The following DGLUCY variants were observed in gnomAD, a reference collection of about 807,000 sequenced individuals.
The protein encoded by DGLUCY is D-glutamate cyclase.
Under a neutral mutation model 58.5 loss-of-function variants are expected in DGLUCY, and 58 were observed. The observed-to-expected ratio is 0.99, with a 90% CI of 0.80 to 1.23. The LOEUF is 1.23. DGLUCY is among the 50% of genes most tolerant of loss of function. The pLI is 0.00. For synonymous variants in DGLUCY, 325 were observed against 314.1 expected (o/e 1.03, Z -0.37); for missense variants, 779 against 784.7 (o/e 0.99, Z 0.09).
rs765224867 is a variant in DGLUCY, at chr14:91,060,383, C to G, written c.-403C>G. On this transcript the variant is annotated 5_prime_UTR_variant, in exon 1 of 5. Transcript: ENST00000521334. ...AGGAGCTGCTCTCCTCCGTCGCCGC[C>G]GTCCGCGCTGGTCCCCGCGGCGCCG... The G allele has an allele frequency of 6.7e-5, 101 of 1,508,874 alleles. No individual in the cohort carries two copies. The highest frequency in any genetic ancestry group is 8.1e-5 in the Non-Finnish European group (91 of 1,123,100). 93.5% of individuals were successfully genotyped at this position (1,508,874 alleles called of 1,614,324 possible).
At position 91,224,976 on chromosome 14, in the gene DGLUCY, A is replaced by G; in HGVS notation, c.*143A>G. 1.0e-6 allele frequency: 1 copy of G among 960,394 alleles called. No homozygotes were observed. Among genetic ancestry groups the G allele is most frequent in the Non-Finnish European group, 1.5e-6 (1 of 688,950 alleles). 59.5% of individuals were successfully genotyped at this position (960,394 alleles called of 1,614,324 possible). ...ACACTCGCCTGGCCTGGGAAACTGC[A>G]TGCCCACTTTCTGGGAGGGGTTAGT... On this transcript the variant is annotated 3_prime_UTR_variant, in exon 14 of 14. Coordinates refer to ENST00000256324, the MANE Select transcript of DGLUCY (RefSeq NM_001102368.3).
At chr14:91,211,805 T>C (rs1885718704) in intron 12 of DGLUCY, among the ~76,000 whole-genome samples, 1 of 152,060 alleles carries the variant, frequency 6.6e-6, no homozygotes, top group South Asian at 2.1e-4. Flanking sequence ...TTTAATTTGA[T>C]TGATTGATTG....
intron 1 of DGLUCY, among the ~76,000 whole-genome samples, chr14:91,144,393 C>CTA (rs1457010647): frequency 1.3e-5 from 2 of 152,128 alleles, no homozygotes; most frequent in African/African-American, 4.8e-5. Context: ...AACCTTGTCT[C>CTA]TACTAAAGAT....
chr14:91,131,725 C>T (rs1363052210), intron 1 of DGLUCY, among the ~76,000 whole-genome samples: 1 of 152,010 alleles, frequency 6.6e-6, no homozygotes, highest in Non-Finnish European at 1.5e-5. Flanking sequence ...CTTCATATTT[C>T]GTACTTCATA....
At chr14:91,079,140 G>C (rs1204473217) in intron 1 of DGLUCY, among the ~76,000 whole-genome samples, 1 of 151,848 alleles carries the variant, frequency 6.6e-6, no homozygotes, top group Non-Finnish European at 1.5e-5. Context: ...CTGACCTCAA[G>C]TGATCTGCCC....
intron 5 of DGLUCY, 105 bp from the exon 6 acceptor site, chr14:91,173,182 TAC>T: frequency 5.1e-6 from 6 of 1,173,040 alleles, no homozygotes; most frequent in Non-Finnish European, 7.4e-6. Flanking sequence ...CTATAACAGC[TAC>T]TCCTCCTTCA....
At chr14:91,129,287 T>C in intron 1 of DGLUCY, among the ~76,000 whole-genome samples, 1 of 152,194 alleles carries the variant, frequency 6.6e-6, no homozygotes, top group East Asian at 1.9e-4. Flanking sequence ...CTATATGTGC[T>C]TCTCCCCAGT....
exon 1 of DGLUCY, chr14:91,060,499 T>C: frequency 7.8e-7 from 1 of 1,279,044 alleles, no homozygotes. Flanking sequence ...CGGACGCCCG[T>C]CCCCTCGCAG....
At chr14:91,220,715 T>G (rs1567019241) in intron 13 of DGLUCY, 1 of 453,944 alleles carries the variant, frequency 2.2e-6, no homozygotes. Flanking sequence ...AGACCATGAT[T>G]ATACCAGCCC....
intron 7 of DGLUCY, among the ~76,000 whole-genome samples, chr14:91,178,398 A>G (rs140895347): frequency 6.6e-6 from 1 of 152,276 alleles, no homozygotes; most frequent in African/African-American, 2.4e-5. Flanking sequence ...TCCTGGGCTC[A>G]AGCGATCCTC....
In DGLUCY at chr14:91,215,431, C is replaced by T; in HGVS notation, c.1591C>T (p.Leu531=). 2 of 1,612,766 alleles carry T rather than the reference C, an allele frequency of 1.2e-6. No individual in the cohort carries two copies. The highest frequency in any genetic ancestry group is 1.7e-6 in the Non-Finnish European group (2 of 1,179,052). ...AGVSNWGGYA[L]ACALYILYSC... is the part of the protein sequence containing the mutation. ...TGTTTCTAACTGGGGAGGCTATGCCCTGGCCTGCGCACTCTACATCCTGTA... is the reference window on the plus strand; with the variant it reads ...TGTTTCTAACTGGGGAGGCTATGCCTTGGCCTGCGCACTCTACATCCTGTA... Residue 531 remains leucine, a synonymous_variant, in exon 13 of 14, where the codon CTG becomes TTG. Coordinates refer to ENST00000256324, the MANE Select transcript of DGLUCY (RefSeq NM_001102368.3).
At chr14:91,209,212 G>A (rs923306980) in intron 12 of DGLUCY, among the ~76,000 whole-genome samples, 1 of 152,006 alleles carries the variant, frequency 6.6e-6, no homozygotes, top group South Asian at 2.1e-4. Flanking sequence ...GCAGTAAGCC[G>A]AGATAATGCC....
intron 12 of DGLUCY, among the ~76,000 whole-genome samples, chr14:91,207,270 T>A (rs2140657649): frequency 6.7e-6 from 1 of 148,168 alleles, no homozygotes; most frequent in African/African-American, 2.5e-5. Context: ...ATGGAAAGAA[T>A]CTCTGAGCTT....
rs116724016 is a variant in DGLUCY, at chr14:91,064,359, G to A, written c.-82+3655G>A. On this transcript the variant is annotated intron_variant, in intron 1 of 4. Transcript: ENST00000521334. ...ATTACCTAGGGAGAAGCCTGGGTGC[G>A]GTGGATCATGCCTGTAATCTCAGCA... 7.5e-3 allele frequency among the ~76,000 whole-genome samples: 1,142 copies of A among 152,088 alleles called. 10 individuals are homozygous for A. The highest frequency in any genetic ancestry group is 0.027 in the Middle Eastern group (8 of 294).
upstream of DGLUCY, among the ~76,000 whole-genome samples, chr14:91,105,667 C>T (rs2044576476): frequency 6.6e-6 from 1 of 152,226 alleles, no homozygotes; most frequent in African/African-American, 2.4e-5. Flanking sequence ...TCTTCAGAGA[C>T]ACTTCAAGGG....
chr14:91,173,212 C>G lies in DGLUCY; in HGVS notation c.457-77C>G, dbSNP rs915419444. 8.5e-6 allele frequency: 13 copies of G among 1,533,650 alleles called. No individual in the cohort carries two copies. In the Admixed American group the frequency reaches 2.0e-4, roughly 23 times the overall value. ...CTCCTTCATTTAGCTGCCTTGAACT[C>G]TTGGTGCTCAGAGCTTGGATCTGTG... On this transcript the variant is annotated intron_variant, in intron 5 of 13. Transcript: ENST00000256324.
intron 12 of DGLUCY, among the ~76,000 whole-genome samples, chr14:91,209,237 TG>T (rs1163477308): frequency 6.6e-6 from 1 of 151,870 alleles, no homozygotes; most frequent in Non-Finnish European, 1.5e-5. Context: ...CACTCCAACC[TG>T]GGGAACAGAG....
intron 10 of DGLUCY, 86 bp downstream of exon 10, chr14:91,196,560 C>A (rs2050228440): frequency 8.9e-7 from 1 of 1,119,978 alleles, no homozygotes. Context: ...TCTGCACACC[C>A]AAGCCCTTCA....
At chr14:91,064,030 T>G (rs1022903859) in intron 1 of DGLUCY, among the ~76,000 whole-genome samples, 1 of 152,176 alleles carries the variant, frequency 6.6e-6, no homozygotes, top group Non-Finnish European at 1.5e-5. Flanking sequence ...TATTTTGAAC[T>G]TGAAGGATTA....
Sources: allele counts gnomAD v4.1 joint callset (sites outside exome capture counted in the v4.1 genomes callset), GRCh38; gene constraint gnomAD v4.1.1; transcripts MANE v1.5; gene names NCBI Gene and HGNC (gene_info 2026-07-23, HGNC 2026-07-21).